Variants in STYXL1 observed in about 807,000 individuals in gnomAD.
The protein encoded by STYXL1 is serine/threonine/tyrosine-interacting-like protein 1.
STYXL1 carries 32 observed loss-of-function variants against 36.4 expected under a neutral mutation model. The observed-to-expected ratio is 0.88, with a 90% confidence interval of 0.66 to 1.18. The LOEUF is 1.18. Ranked by LOEUF, STYXL1 falls within the 50% of genes most tolerant of loss-of-function variation. The pLI, the probability that STYXL1 is intolerant of heterozygous loss-of-function variation, is 0.00. For missense variants in STYXL1, 354 were observed against 394.1 expected (o/e 0.90, Z 0.86); for synonymous variants, 133 against 144.1 (o/e 0.92, Z 0.55).
chr7:76,040,591 C>T (rs576531662), intron 1 of STYXL1, among the ~76,000 whole-genome samples: 4 of 152,298 alleles, frequency 2.6e-5, no homozygotes, highest in Non-Finnish European at 2.9e-5. Context: ...GCAATCCCAG[C>T]GCTTTGGGAG....
chr7:76,013,939 C>A, intron 4 of STYXL1, 52 bp from the exon 5 acceptor site: 1 of 1,537,036 alleles, frequency 6.5e-7, no homozygotes, highest in Non-Finnish European at 8.8e-7. Context: ...TGCCATTGGT[C>A]TAGAGCTGGG....
chr7:76,032,399 G>GGA (rs112022214), intron 1 of STYXL1, among the ~76,000 whole-genome samples: 1 of 132,386 alleles, frequency 7.6e-6, no homozygotes, highest in South Asian at 2.5e-4. Flanking sequence ...ACCCTGTCTT[G>GGA]AAAAAAAAAA....
At chr7:76,039,327 C>T (rs943367517) in intron 1 of STYXL1, among the ~76,000 whole-genome samples, 5 of 150,992 alleles carry the variant, frequency 3.3e-5, no homozygotes, top group Admixed American at 3.3e-4. Flanking sequence ...CTTCCCGCCT[C>T]AGCCTCCCAA....
At chr7:75,999,513 G>GTA (rs1790565922) in intron 8 of STYXL1, among the ~76,000 whole-genome samples, 1 of 86,378 alleles carries the variant, frequency 1.2e-5, no homozygotes, top group African/African-American at 4.1e-5. Flanking sequence ...GTGTGTGTAT[G>GTA]TGTGTGTGTG....
intron 1 of STYXL1, among the ~76,000 whole-genome samples, chr7:76,043,765 T>G (rs1554582766): frequency 6.6e-6 from 1 of 151,816 alleles, no homozygotes; most frequent in Admixed American, 6.6e-5. Context: ...TGGGCTGGGG[T>G]GGGATGGAAG....
intron 5 of STYXL1, among the ~76,000 whole-genome samples, chr7:76,012,694 T>G (rs1032352656): frequency 7.2e-5 from 11 of 151,976 alleles, no homozygotes; most frequent in Non-Finnish European, 1.5e-5. Flanking sequence ...CACAGCCAGC[T>G]CCATTTATTG....
At chr7:76,011,641 G>A (rs1792561403) in intron 5 of STYXL1, among the ~76,000 whole-genome samples, 1 of 152,246 alleles carries the variant, frequency 6.6e-6, no homozygotes, top group African/African-American at 2.4e-5. Flanking sequence ...ATTCCATTGT[G>A]TTCAGACGCT....
At chr7:75,999,511 ATGTG>A (rs71301271) in intron 8 of STYXL1, among the ~76,000 whole-genome samples, 35 of 95,966 alleles carry the variant, frequency 3.6e-4, no homozygotes, top group African/African-American at 1.2e-3. Flanking sequence ...GTGTGTGTGT[ATGTG>A]TGTGTGTGTG....
chr7:75,998,382 C>T (rs12155274), intron 8 of STYXL1, among the ~76,000 whole-genome samples: 9,947 of 151,574 alleles, frequency 0.066, 489 homozygotes, highest in Non-Finnish European at 0.1. Flanking sequence ...ACTGCAACCT[C>T]CGCCTCCTGG....
In STYXL1 at chr7:76,015,002, C is replaced by G. The variant is rs1432470401; in HGVS notation, c.308-1115G>C. Among the ~76,000 whole-genome samples, 4 of 152,100 alleles carry G rather than the reference C, an allele frequency of 2.6e-5. No homozygotes were observed. The East Asian group carries it at 7.7e-4, about 29-fold the overall frequency. ...TGGTTTACATCTATAATCCCAGAAC[C>G]TTGGGAGGCAGAGGCAGGAGAATTG... On this transcript the variant is annotated intron_variant, in intron 4 of 8. Coordinates refer to ENST00000359697, the MANE Select transcript of STYXL1 (RefSeq NM_001317785.2).
chr7:76,022,283 A>T (rs1794172429), intron 3 of STYXL1, among the ~76,000 whole-genome samples: 1 of 152,168 alleles, frequency 6.6e-6, no homozygotes, highest in Non-Finnish European at 1.5e-5. Context: ...CCTATTAGGT[A>T]CCCTGGTGTC....
At position 76,003,791 on chromosome 7, in the gene STYXL1, G is replaced by A. The variant is rs1554568947; in HGVS notation, c.664C>T (p.Leu222Phe). 1 of 1,614,230 alleles carries A rather than the reference G, an allele frequency of 6.2e-7. No homozygotes were observed. The change falls in exon 7 of 9, where the codon CTT (leucine) becomes TTT (phenylalanine). Residue 222 changes from leucine (L) to phenylalanine (F), a missense_variant. By Grantham distance (22) the Leu-to-Phe change is conservative. Transcript: ENST00000359697. Reference sequence around the variant, plus strand: ...TGACACATGTGGCGTAAGAAGGGAAGAATCTGGGCTTCCGGGGAATCTTCT... The same window carrying A: ...TGACACATGTGGCGTAAGAAGGGAAAAATCTGGGCTTCCGGGGAATCTTCT... The part of the protein sequence containing the change: ...RIEDSPEAQI[L>F]PFLRHMCHFI...
intron 3 of STYXL1, among the ~76,000 whole-genome samples, chr7:76,025,688 G>A (rs972808576): frequency 6.6e-6 from 1 of 152,068 alleles, no homozygotes; most frequent in Non-Finnish European, 1.5e-5. Context: ...TACGAGGGAG[G>A]CTGAGGCAGG....
chr7:76,029,830 T>C (rs57340978), intron 2 of STYXL1, among the ~76,000 whole-genome samples: 3,876 of 152,106 alleles, frequency 0.025, 125 homozygotes, highest in East Asian at 0.14. Flanking sequence ...GCTGCTGATC[T>C]GACAGCAGGT....
chr7:76,036,649 A>ATTT (rs35777449), intron 1 of STYXL1, among the ~76,000 whole-genome samples: 1,733 of 136,264 alleles, frequency 0.013, 112 homozygotes, highest in Non-Finnish European at 0.02. Flanking sequence ...TTCCATGTGA[A>ATTT]TTTTTTTTTT....
In STYXL1 at chr7:75,996,362, G is replaced by A. The variant is rs782619653; in HGVS notation, c.*106C>T. On this transcript the variant is annotated 3_prime_UTR_variant, in exon 9 of 9. Transcript: ENST00000359697. The stretch of plus-strand genomic sequence containing the variant: ...TAACATGAGACTTTCAGGCAGCAAA[G>A]GCCTTCTCCTTCCAGACAAGCCTGG... The A allele has an allele frequency of 1.2e-6, 2 of 1,603,908 alleles. No homozygotes were observed. Among genetic ancestry groups the A allele is most frequent in the Non-Finnish European group, 1.7e-6 (2 of 1,175,990 alleles).
In STYXL1 at chr7:76,028,785, C is replaced by T. The variant is rs570876850; in HGVS notation, c.104-82G>A. On this transcript the variant is annotated intron_variant, in intron 2 of 8. Coordinates refer to ENST00000359697, the MANE Select transcript of STYXL1 (RefSeq NM_001317785.2). ...CTCAGAGGACCTACGTCGTCATCAA[C>T]GTCTATTTGTTTGGCAGTTAAGGGA... is the stretch of plus-strand genomic sequence containing the variant. 9.3e-5 allele frequency: 118 copies of T among 1,271,394 alleles called. No homozygotes were observed. The Admixed American group carries it at 1.2e-3, about 13-fold the overall frequency. 78.8% of individuals were successfully genotyped at this position (1,271,394 alleles called of 1,614,324 possible).
At chr7:76,029,763 G>C (rs1312720332) in intron 2 of STYXL1, among the ~76,000 whole-genome samples, 2 of 152,112 alleles carry the variant, frequency 1.3e-5, no homozygotes, top group African/African-American at 4.8e-5. Context: ...GCGCAACTTA[G>C]ATCCCTTGAA....
intron 1 of STYXL1, among the ~76,000 whole-genome samples, chr7:76,041,473 T>G (rs1796471075): frequency 6.6e-6 from 1 of 152,144 alleles, no homozygotes; most frequent in Non-Finnish European, 1.5e-5. Context: ...TAAGAGGTGA[T>G]TTGGCTATTA....
Sources: gnomAD v4.1 joint callset for allele counts (sites outside exome capture counted in the v4.1 genomes callset) on GRCh38, gnomAD v4.1.1 for gene constraint, MANE v1.5 for transcripts, NCBI Gene and HGNC (gene_info 2026-07-23, HGNC 2026-07-21) for gene names.